Variants in GATA4 observed in about 807,000 individuals in gnomAD.
The protein encoded by GATA4 is transcription factor GATA-4.
In GATA4, 7 loss-of-function variants were observed where a neutral mutation model predicts 37.9. The ratio of observed to expected loss-of-function variants is 0.18; its 90% CI spans 0.11 to 0.35. The LOEUF (loss-of-function observed/expected upper bound fraction) is 0.35. GATA4 is among the 10% of genes least tolerant of loss of function. The pLI is 1.00. For missense variants in GATA4, 647 were observed against 653.0 expected (o/e 0.99, Z 0.10); for synonymous variants, 372 against 292.6 (o/e 1.27, Z -2.77).
Position 11,743,565 on chromosome 8 carries a change from C to T in GATA4, c.617-5351C>T, listed in dbSNP as rs183194745. Among the ~76,000 whole-genome samples the T allele has an allele frequency of 7.2e-5, 11 of 152,370 alleles. No homozygotes were observed. The East Asian group carries it at 1.7e-3, about 24-fold the overall frequency. On this transcript the variant is annotated intron_variant, in intron 2 of 6. Transcript: ENST00000532059. Reference sequence around the variant, plus strand: ...AGTGCCCAGGGGAGGGAGTGGAGAGCGGAACCGTGACCCTGGCCTCTGATT... The same window carrying T: ...AGTGCCCAGGGGAGGGAGTGGAGAGTGGAACCGTGACCCTGGCCTCTGATT...
At chr8:11,730,963 G>A (rs1015444166) in intron 2 of GATA4, among the ~76,000 whole-genome samples, 4 of 152,370 alleles carry the variant, frequency 2.6e-5, no homozygotes, top group East Asian at 1.9e-4. Flanking sequence ...TGCAGCCCGC[G>A]TGCCTGGACG....
chr8:11,688,737 T>C (rs1799221306), upstream of GATA4, among the ~76,000 whole-genome samples: 1 of 152,172 alleles, frequency 6.6e-6, no homozygotes, highest in South Asian at 2.1e-4. Flanking sequence ...CAGTGACATA[T>C]CTTTCTCATG....
intron 2 of GATA4, among the ~76,000 whole-genome samples, chr8:11,744,533 T>C (rs1291881214): frequency 6.6e-6 from 1 of 152,226 alleles, no homozygotes; most frequent in African/African-American, 2.4e-5. Context: ...TAGGAAGGAA[T>C]GAGAAGTGGT....
chr8:11,736,024 A>C (rs937697510), intron 2 of GATA4, among the ~76,000 whole-genome samples: 2 of 151,978 alleles, frequency 1.3e-5, no homozygotes, highest in African/African-American at 4.8e-5. Flanking sequence ...TGATCCTCCT[A>C]CCTCAGCCTC....
intron 1 of GATA4, among the ~76,000 whole-genome samples, chr8:11,704,845 T>C (rs1389770771): frequency 5.3e-5 from 8 of 152,232 alleles, no homozygotes; most frequent in African/African-American, 1.9e-4. Flanking sequence ...GAACTATTCA[T>C]GCCCTTTCTG....
chr8:11,750,234 G>A lies in GATA4; in HGVS notation c.910G>A (p.Gly304Arg), dbSNP rs1205549216. 15 of 1,612,518 alleles carry A rather than the reference G, an allele frequency of 9.3e-6. No individual in the cohort carries two copies. Among genetic ancestry groups the A allele is most frequent in the African/African-American group, 1.3e-5 (1 of 74,960 alleles). ...NACGLYMKLHGVPRPLAMRKE... is the reference protein window; with the variant it reads ...NACGLYMKLHRVPRPLAMRKE... ...CTGCGGCCTCTACATGAAGCTCCAC[G>A]GGGTACGTGGGTCCTGCGCCCATGC... The change falls in exon 4 of 7, where the codon GGG becomes AGG. Residue 304 changes from glycine to arginine, a missense_variant and splice_region_variant. Physicochemically the swap from Gly to Arg is moderately radical, Grantham distance 125. Coordinates refer to ENST00000532059, the MANE Select transcript of GATA4 (RefSeq NM_001308093.3).
In GATA4 at chr8:11,708,458, T is replaced by C; in HGVS notation, c.146T>C (p.Leu49Pro). 1 of 1,531,808 alleles carries C rather than the reference T, an allele frequency of 6.5e-7. No individual in the cohort carries two copies. Among genetic ancestry groups the C allele is most frequent in the Non-Finnish European group, 8.7e-7 (1 of 1,145,122 alleles). 94.9% of individuals were successfully genotyped at this position (1,531,808 alleles called of 1,614,324 possible). Residue 49 changes from leucine (L) to proline (P), a missense_variant, in exon 2 of 7, where the codon CTG becomes CCG. By Grantham distance (98) the Leu-to-Pro change is moderately conservative. Transcript: ENST00000532059. This position sits in a 1 kb window ranked among gnomAD's most constrained non-coding sequence, Gnocchi z 6.7. ...ACACCGCGGGTGCCCTCCTCCGTGC[T>C]GGGCCTGTCCTACCTCCAGGGCGGA... Reference protein sequence around the residue: ...VPTPRVPSSVLGLSYLQGGGA... With the variant: ...VPTPRVPSSVPGLSYLQGGGA...
chr8:11,720,514 C>T (rs1283903612), intron 2 of GATA4, among the ~76,000 whole-genome samples: 1 of 152,058 alleles, frequency 6.6e-6, no homozygotes, highest in African/African-American at 2.4e-5. Flanking sequence ...ACTCGTGTCA[C>T]GGGGATTTGT....
chr8:11,729,796 G>C (rs1015183600), intron 2 of GATA4, among the ~76,000 whole-genome samples: 2 of 152,196 alleles, frequency 1.3e-5, no homozygotes, highest in South Asian at 2.1e-4. Flanking sequence ...CATGGTGGTT[G>C]CTCAATTCTG....
intron 2 of GATA4, among the ~76,000 whole-genome samples, chr8:11,717,037 C>T (rs1333261034): frequency 6.6e-6 from 1 of 152,226 alleles, no homozygotes; most frequent in East Asian, 1.9e-4. Flanking sequence ...CCTAGCCTGC[C>T]TGCAGAACCA....
At chr8:11,695,481 G>A (rs1257579453) in intron 1 of GATA4, among the ~76,000 whole-genome samples, 2 of 152,140 alleles carry the variant, frequency 1.3e-5, no homozygotes, top group African/African-American at 4.8e-5. Context: ...GTACAGAAAA[G>A]GCCATGTTTC....
At chr8:11,699,671 C>G (rs1357702512), upstream of GATA4, among the ~76,000 whole-genome samples, 1 of 152,370 alleles carries the variant, frequency 6.6e-6, no homozygotes, top group East Asian at 1.9e-4. Context: ...CCTGGACTTG[C>G]AGGCACTGGA....
intron 1 of GATA4, among the ~76,000 whole-genome samples, chr8:11,678,408 T>C (rs1798849902): frequency 6.6e-6 from 1 of 152,206 alleles, no homozygotes; most frequent in African/African-American, 2.4e-5. Flanking sequence ...GTCACAAAAC[T>C]TACAATCATC....
chr8:11,702,942 C>G (rs1799734554), upstream of GATA4, among the ~76,000 whole-genome samples: 1 of 152,258 alleles, frequency 6.6e-6, no homozygotes, highest in Non-Finnish European at 1.5e-5. This position sits in a 1 kb window ranked among gnomAD's most constrained non-coding sequence, Gnocchi z 4.4. Flanking sequence ...GAGTTGGCCA[C>G]GATCCCATGG....
intron 1 of GATA4, among the ~76,000 whole-genome samples, chr8:11,697,014 G>A (rs949753831): frequency 7.9e-5 from 12 of 152,358 alleles, no homozygotes; most frequent in Middle Eastern, 3.4e-3. Flanking sequence ...TGAAATAGGG[G>A]AGGGAGGAGG....
intron 1 of GATA4, chr8:11,692,782 C>A (rs538923002): frequency 3.1e-6 from 3 of 982,184 alleles, no homozygotes; most frequent in Non-Finnish European, 3.6e-6. Flanking sequence ...GCGAGGCTGC[C>A]GAGGGGAGGA....
chr8:11,728,959 G>C (rs191140264), intron 2 of GATA4, among the ~76,000 whole-genome samples: 1 of 152,186 alleles, frequency 6.6e-6, no homozygotes, highest in Non-Finnish European at 1.5e-5. Flanking sequence ...ACGGCCAGGC[G>C]TGGTGGCTCA....
intron 1 of GATA4, among the ~76,000 whole-genome samples, chr8:11,687,487 C>T (rs932294638): frequency 2.6e-5 from 4 of 152,208 alleles, no homozygotes; most frequent in African/African-American, 9.6e-5. Context: ...GTGCCCTCAT[C>T]TGTGAGTTGG....
chr8:11,726,174 C>T (rs1800914738), intron 2 of GATA4, among the ~76,000 whole-genome samples: 1 of 152,188 alleles, frequency 6.6e-6, no homozygotes, highest in African/African-American at 2.4e-5. Flanking sequence ...CTTTGGCTCA[C>T]ATATTCAGAC....
Sources: gnomAD v4.1 joint callset for allele counts (sites outside exome capture counted in the v4.1 genomes callset) on GRCh38, gnomAD v4.1.1 for gene constraint, Gnocchi (gnomAD v3.1) non-coding constraint, MANE v1.5 for transcripts, NCBI Gene and HGNC (gene_info 2026-07-23, HGNC 2026-07-21) for gene names.